Variants in RAB38 observed in about 807,000 individuals in gnomAD.
The protein encoded by RAB38 is RAB38, member RAS oncogene family.
In RAB38, 15 loss-of-function variants were observed where a neutral mutation model predicts 18.4. That is an observed-to-expected ratio of 0.82 (90% confidence interval 0.55 to 1.26). The LOEUF (loss-of-function observed/expected upper bound fraction) is 1.26, where lower values mean the gene tolerates loss of function less well. Ranked by LOEUF, RAB38 falls within the 50% of genes most tolerant of loss-of-function variation. RAB38 has a pLI of 0.00. For missense variants in RAB38, 294 were observed against 267.4 expected (o/e 1.10, Z -0.69); for synonymous variants, 101 against 104.4 (o/e 0.97, Z 0.20).
At chr11:87,860,513 T>G in the RAB38 span, among the ~76,000 whole-genome samples, 1 of 151,980 alleles carries the variant, frequency 6.6e-6, no homozygotes, top group African/African-American at 2.4e-5. Context: ...AAGTGAGATA[T>G]TTACTTTCAT....
At position 88,149,794 on chromosome 11, in the gene RAB38, C is replaced by T; in HGVS notation, c.364G>A (p.Val122Met). Residue 122 changes from valine (V) to methionine (M), a missense_variant, in exon 2 of 3, where the codon GTG (valine) becomes ATG (methionine). By Grantham distance (21) the Val-to-Met change is conservative. Coordinates refer to ENST00000243662, the MANE Select transcript of RAB38 (RefSeq NM_022337.3). ...TCACATTTGTTGGCCAACAAAACCA[C>T]TGAAACCGGTTTGCCATTAGGGAGA... is the stretch of plus-strand genomic sequence containing the variant. ...LSLPNGKPVSVVLLANKCDQG... is the reference protein window; with the variant it reads ...LSLPNGKPVSMVLLANKCDQG... The T allele has an allele frequency of 1.2e-6, 2 of 1,614,148 alleles. No homozygotes were observed. Among genetic ancestry groups the T allele is most frequent in the Non-Finnish European group, 1.7e-6 (2 of 1,180,030 alleles).
the RAB38 span, among the ~76,000 whole-genome samples, chr11:87,918,639 AT>A: frequency 1.3e-5 from 2 of 151,944 alleles, no homozygotes; most frequent in African/African-American, 4.8e-5. Context: ...ACTGGTGATC[AT>A]TTTTTTCCAT....
the RAB38 span, among the ~76,000 whole-genome samples, chr11:88,035,148 CTTAT>C: frequency 6.6e-6 from 1 of 152,056 alleles, no homozygotes; most frequent in African/African-American, 2.4e-5. Context: ...AAGACTTTTG[CTTAT>C]TTATTTTTAA....
At chr11:88,078,819 G>A in the RAB38 span, among the ~76,000 whole-genome samples, 1 of 151,690 alleles carries the variant, frequency 6.6e-6, no homozygotes, top group Admixed American at 6.6e-5. Context: ...TATAGCAGTA[G>A]GGCAACTATA....
the RAB38 span, among the ~76,000 whole-genome samples, chr11:88,038,330 A>G: frequency 9.7e-4 from 147 of 152,308 alleles, 1 homozygote; most frequent in East Asian, 6.9e-3. Context: ...AGAGCAATGG[A>G]GCAGTTGGTT....
the RAB38 span, among the ~76,000 whole-genome samples, chr11:87,931,398 G>A: frequency 6.6e-6 from 1 of 152,030 alleles, no homozygotes; most frequent in Non-Finnish European, 1.5e-5. Context: ...TATAAGATGA[G>A]AAGGTGTAGA....
the RAB38 span, among the ~76,000 whole-genome samples, chr11:87,855,355 A>C: frequency 1.3e-4 from 20 of 152,244 alleles, no homozygotes; most frequent in African/African-American, 4.3e-4. Flanking sequence ...CCTTTTCTTC[A>C]ATAATCTCTT....
the RAB38 span, among the ~76,000 whole-genome samples, chr11:88,033,940 G>A: frequency 2.4e-4 from 36 of 152,036 alleles, no homozygotes; most frequent in African/African-American, 8.4e-4. Flanking sequence ...TGTTAGCCAG[G>A]ATGGTCTCGA....
At chr11:87,950,322 G>A in the RAB38 span, among the ~76,000 whole-genome samples, 1 of 152,090 alleles carries the variant, frequency 6.6e-6, no homozygotes, top group Non-Finnish European at 1.5e-5. Context: ...GCACACTGAT[G>A]GGTCTTTACT....
At chr11:87,968,301 T>C in the RAB38 span, among the ~76,000 whole-genome samples, 7 of 152,194 alleles carry the variant, frequency 4.6e-5, no homozygotes, top group Non-Finnish European at 7.3e-5. Context: ...TTGTCCTCCA[T>C]ATCCATTTTT....
chr11:87,910,157 CTAAT>C, the RAB38 span, among the ~76,000 whole-genome samples: 2 of 151,450 alleles, frequency 1.3e-5, no homozygotes, highest in African/African-American at 2.4e-5. Flanking sequence ...TTTCTACTAA[CTAAT>C]TATGTTGAGC....
At chr11:88,104,247 A>G in the RAB38 span, among the ~76,000 whole-genome samples, 3 of 151,930 alleles carry the variant, frequency 2.0e-5, no homozygotes, top group African/African-American at 7.3e-5. Context: ...TCTTTAACCA[A>G]TCCTTCTTAA....
chr11:87,814,481 C>T, the RAB38 span, among the ~76,000 whole-genome samples: 1,292 of 152,190 alleles, frequency 8.5e-3, 24 homozygotes, highest in African/African-American at 0.029. Context: ...GTACAACTAG[C>T]AGTAATGCAT....
At chr11:88,086,640 T>C in the RAB38 span, among the ~76,000 whole-genome samples, 2 of 151,884 alleles carry the variant, frequency 1.3e-5, no homozygotes, top group East Asian at 3.9e-4. Context: ...ACCAATTCTG[T>C]GTTTGAACTC....
the RAB38 span, among the ~76,000 whole-genome samples, chr11:88,024,638 G>A: frequency 6.6e-6 from 1 of 152,138 alleles, no homozygotes; most frequent in Non-Finnish European, 1.5e-5. Context: ...CACCCTAAGA[G>A]TCCATTAGCA....
At chr11:88,121,837 C>A (rs889243441) in intron 2 of RAB38, among the ~76,000 whole-genome samples, 8 of 151,946 alleles carry the variant, frequency 5.3e-5, no homozygotes, top group South Asian at 2.1e-4. Flanking sequence ...GCTGGGATTA[C>A]AGGCGTGAGC....
the RAB38 span, among the ~76,000 whole-genome samples, chr11:87,872,731 T>C: frequency 1.3e-5 from 2 of 151,610 alleles, no homozygotes; most frequent in African/African-American, 4.8e-5. Flanking sequence ...CAGATTTGCT[T>C]CTTTCATTTA....
the RAB38 span, among the ~76,000 whole-genome samples, chr11:88,025,464 T>C: frequency 2.0e-5 from 3 of 152,188 alleles, no homozygotes; most frequent in East Asian, 5.8e-4. Context: ...TAACCTACTT[T>C]CCACAGTGGC....
chr11:88,062,667 C>T, the RAB38 span, among the ~76,000 whole-genome samples: 2 of 152,104 alleles, frequency 1.3e-5, no homozygotes, highest in South Asian at 4.2e-4. Context: ...CTGAAGAAGA[C>T]AAAAGAGCAA....
Sources: allele counts gnomAD v4.1 joint callset (sites outside exome capture counted in the v4.1 genomes callset), GRCh38; gene constraint gnomAD v4.1.1; transcripts MANE v1.5; gene names NCBI Gene and HGNC (gene_info 2026-07-23, HGNC 2026-07-21).